DLG2: variants seen among roughly 807,000 people sequenced by gnomAD.
DLG2 encodes the protein disks large homolog 2.
In DLG2, 45 loss-of-function variants were observed where a neutral mutation model predicts 132.5. The observed-to-expected ratio is 0.34, with a 90% CI of 0.27 to 0.44. The LOEUF is 0.44. Ranked by LOEUF, DLG2 falls within the 20% of genes least tolerant of loss-of-function variation. The probability of loss-of-function intolerance (pLI) is 1.00; values close to 1 mark genes in which losing one functional copy is unlikely to be tolerated. For missense variants in DLG2, 1,045 were observed against 1,196.9 expected, an observed-to-expected ratio of 0.87 and a Z score of 1.87; for synonymous variants, 424 against 419.6, an observed-to-expected ratio of 1.01 and a Z score of -0.13.
intron 3 of DLG2, among the ~76,000 whole-genome samples, chr11:85,315,366 A>G (rs545383989): frequency 6.6e-6 from 1 of 152,064 alleles, no homozygotes; most frequent in South Asian, 2.1e-4. Context: ...TAAGGTTGAT[A>G]AACAACCACT....
chr11:85,583,092 G>A (rs1451070360), intron 3 of DLG2, among the ~76,000 whole-genome samples: 67 of 27,892 alleles, frequency 2.4e-3, no homozygotes, highest in Middle Eastern at 0.024. Flanking sequence ...TATGTGATGT[G>A]TGTGTGTGTG....
intron 6 of DLG2, among the ~76,000 whole-genome samples, chr11:84,536,167 T>C (rs117074452): frequency 0.014 from 2,148 of 152,236 alleles, 22 homozygotes; most frequent in Non-Finnish European, 0.024. Context: ...ATGCCATAAC[T>C]GCAGTTTCCA....
intron 5 of DLG2, among the ~76,000 whole-genome samples, chr11:85,133,744 A>G (rs1411773838): frequency 6.6e-6 from 1 of 152,038 alleles, no homozygotes; most frequent in Non-Finnish European, 1.5e-5. Context: ...TTCCCTCCTC[A>G]CTTGCTGTCT....
chr11:83,608,953 A>G (rs1159252373), intron 19 of DLG2, among the ~76,000 whole-genome samples: 1 of 152,200 alleles, frequency 6.6e-6, no homozygotes, highest in Non-Finnish European at 1.5e-5. Context: ...TCTGCTGTCC[A>G]AGAACCTTTC....
chr11:84,250,055 G>A (rs1179400874), intron 8 of DLG2, among the ~76,000 whole-genome samples: 1 of 152,142 alleles, frequency 6.6e-6, no homozygotes, highest in Admixed American at 6.5e-5. Context: ...GTTCTTTTGA[G>A]GTATTTGAGG....
At chr11:85,274,524 T>TA (rs2077762958) in intron 4 of DLG2, among the ~76,000 whole-genome samples, 1 of 152,128 alleles carries the variant, frequency 6.6e-6, no homozygotes, top group Non-Finnish European at 1.5e-5. Flanking sequence ...ACCATTACAG[T>TA]AAAGAAGTAT....
chr11:84,376,455 T>C (rs566079775), intron 7 of DLG2, among the ~76,000 whole-genome samples: 4 of 151,866 alleles, frequency 2.6e-5, no homozygotes, highest in African/African-American at 4.8e-5. Context: ...TCACTAAAGA[T>C]AGACTAGGGT....
At chr11:85,391,803 C>T (rs995403222) in intron 3 of DLG2, among the ~76,000 whole-genome samples, 7 of 152,070 alleles carry the variant, frequency 4.6e-5, no homozygotes, top group Admixed American at 6.6e-5. Context: ...TAATAAAAGC[C>T]ATCTATGACA....
chr11:83,596,163 G>A (rs150230677), intron 19 of DLG2, among the ~76,000 whole-genome samples: 69 of 152,260 alleles, frequency 4.5e-4, no homozygotes, highest in Admixed American at 9.2e-4. Context: ...GACTATGACT[G>A]TCATCACATC....
chr11:84,133,937 C>T (rs573531984), intron 9 of DLG2, among the ~76,000 whole-genome samples: 34 of 152,110 alleles, frequency 2.2e-4, no homozygotes, highest in Admixed American at 1.2e-3. Flanking sequence ...TGCCAAAATC[C>T]GTAAAAATGA....
rs190836683 is a variant in DLG2, at chr11:84,036,765, T to A, written c.919+22550A>T. On this transcript the variant is annotated intron_variant, in intron 11 of 27. Coordinates refer to ENST00000376104, the MANE Select transcript of DLG2 (RefSeq NM_001142699.3). ...GTACCAACTAAGCTAATAGGAGAAG[T>A]AACTAGCTATGATTCCTCACTGAGT... Among the ~76,000 whole-genome samples, 525 of 152,274 alleles carry A rather than the reference T, an allele frequency of 3.4e-3. 3 individuals carry two copies. The highest frequency in any genetic ancestry group is 6.2e-3 in the Non-Finnish European group (422 of 68,002).
At chr11:83,621,960 G>A (rs2061700427) in intron 19 of DLG2, among the ~76,000 whole-genome samples, 1 of 152,078 alleles carries the variant, frequency 6.6e-6, no homozygotes, top group African/African-American at 2.4e-5. Context: ...TGTCACCCAG[G>A]CTGGAGTTCA....
chr11:85,160,368 C>G (rs886206259), intron 4 of DLG2, among the ~76,000 whole-genome samples: 3 of 152,156 alleles, frequency 2.0e-5, no homozygotes, highest in African/African-American at 7.2e-5. Flanking sequence ...TTGGAGCCTT[C>G]GGCAGGCCCC....
At chr11:85,387,441 C>A (rs1320195104) in intron 3 of DLG2, among the ~76,000 whole-genome samples, 1 of 152,142 alleles carries the variant, frequency 6.6e-6, no homozygotes. Flanking sequence ...CATTTAAATA[C>A]AAGCCTTACT....
intron 3 of DLG2, among the ~76,000 whole-genome samples, chr11:85,371,589 T>C (rs1287261361): frequency 6.6e-6 from 1 of 152,208 alleles, no homozygotes; most frequent in African/African-American, 2.4e-5. Flanking sequence ...GAGTGAAGCT[T>C]GACTTGCAGA....
chr11:83,712,354 C>T (rs187412349), intron 18 of DLG2, among the ~76,000 whole-genome samples: 22 of 152,146 alleles, frequency 1.4e-4, no homozygotes, highest in Admixed American at 4.6e-4. Flanking sequence ...ATTTGCCGGG[C>T]GTGGTGGCTT....
chr11:83,541,503 T>C (rs942792342), intron 20 of DLG2, among the ~76,000 whole-genome samples, 179 bp downstream of exon 20: 3 of 152,174 alleles, frequency 2.0e-5, no homozygotes, highest in African/African-American at 4.8e-5. Flanking sequence ...AACCCTAATA[T>C]AGGAAAAAGA....
chr11:83,474,565 G>C (rs1394663937), intron 22 of DLG2, among the ~76,000 whole-genome samples: 3 of 152,214 alleles, frequency 2.0e-5, no homozygotes, highest in Non-Finnish European at 4.4e-5. Context: ...TTAAATGTCA[G>C]GTAACTCTTG....
intron 6 of DLG2, among the ~76,000 whole-genome samples, chr11:85,098,366 G>C (rs1315438831): frequency 6.6e-6 from 1 of 152,192 alleles, no homozygotes; most frequent in Non-Finnish European, 1.5e-5. Context: ...CAAATGCACA[G>C]GGACTGGATT....
Sources: allele counts gnomAD v4.1 joint callset (sites outside exome capture counted in the v4.1 genomes callset), GRCh38; gene constraint gnomAD v4.1.1; transcripts MANE v1.5; gene names NCBI Gene and HGNC (gene_info 2026-07-23, HGNC 2026-07-21).